Variants in PRKCE observed in about 807,000 individuals in gnomAD.
The protein encoded by PRKCE is protein kinase C epsilon, also known as protein kinase C epsilon type.
PRKCE carries 16 observed loss-of-function variants against 85.4 expected under a neutral mutation model. The observed-to-expected ratio is 0.19, with a 90% CI of 0.13 to 0.28. The LOEUF (loss-of-function observed/expected upper bound fraction) is 0.28. Ranked by LOEUF, PRKCE falls within the 10% of genes least tolerant of loss-of-function variation. PRKCE has a pLI of 1.00. For synonymous variants in PRKCE, 388 were observed against 371.5 expected, an observed-to-expected ratio of 1.04 and a Z score of -0.51; for missense variants, 573 against 975.2, an observed-to-expected ratio of 0.59 and a Z score of 5.49.
At chr2:45,658,971 T>C (rs936982814) in intron 1 of PRKCE, among the ~76,000 whole-genome samples, 1 of 152,238 alleles carries the variant, frequency 6.6e-6, no homozygotes, top group Non-Finnish European at 1.5e-5. Flanking sequence ...GTATGGGTAA[T>C]TGGAAATGAG....
Position 45,980,438 on chromosome 2 carries a change from C to T in PRKCE, c.693+57C>T, listed in dbSNP as rs1023984510. On this transcript the variant is annotated intron_variant, in intron 5 of 14. Coordinates refer to ENST00000306156, the MANE Select transcript of PRKCE (RefSeq NM_005400.3). ...TCTTCACCGCCAGCCCCTCCCTTCA[C>T]TGCCTCTTCTGTGGTTCCCAAGAAA... is the stretch of plus-strand genomic sequence containing the variant. 25 of 1,482,288 alleles carry T rather than the reference C, an allele frequency of 1.7e-5. 1 individual carries two copies. Among genetic ancestry groups the T allele is most frequent in the Non-Finnish European group, 2.2e-5 (24 of 1,073,924 alleles). The allele number at this position is 1,482,288 out of a possible 1,614,324, so 91.8% of individuals were successfully genotyped here.
chr2:45,913,397 A>G (rs1212083717), intron 2 of PRKCE, among the ~76,000 whole-genome samples: 1 of 152,144 alleles, frequency 6.6e-6, no homozygotes, highest in African/African-American at 2.4e-5. Context: ...CGATCCACCC[A>G]TCTTGGCCTC....
chr2:45,717,591 AAGAAG>A (rs1680245966), intron 1 of PRKCE, among the ~76,000 whole-genome samples: 1 of 152,240 alleles, frequency 6.6e-6, no homozygotes, highest in Non-Finnish European at 1.5e-5. Flanking sequence ...TCTTGACTGC[AAGAAG>A]AGGATCCTGA....
At chr2:46,114,548 G>A (rs1011474167) in intron 11 of PRKCE, among the ~76,000 whole-genome samples, 3 of 151,156 alleles carry the variant, frequency 2.0e-5, no homozygotes, top group Non-Finnish European at 4.4e-5. Flanking sequence ...CTCCTGAGTA[G>A]CTGGGACTAC....
At chr2:45,981,835 G>C (rs183138159) in intron 5 of PRKCE, among the ~76,000 whole-genome samples, 2 of 152,232 alleles carry the variant, frequency 1.3e-5, no homozygotes, top group East Asian at 3.9e-4. Flanking sequence ...AAGGATCTCA[G>C]TCTCATCACC....
At chr2:45,980,257 C>T in intron 4 of PRKCE, 39 bp from the exon 5 acceptor site, 1 of 1,577,650 alleles carries the variant, frequency 6.3e-7, no homozygotes, top group Non-Finnish European at 8.6e-7. Flanking sequence ...ACTCCCTTTC[C>T]TGAGTGTCAT....
intron 10 of PRKCE, among the ~76,000 whole-genome samples, chr2:46,018,201 C>T (rs1344311697): frequency 1.3e-5 from 2 of 152,174 alleles, no homozygotes; most frequent in East Asian, 3.8e-4. Flanking sequence ...AGGAACGATC[C>T]AAAATGGGCT....
chr2:45,761,708 C>T (rs72799987), intron 1 of PRKCE, among the ~76,000 whole-genome samples: 2,846 of 152,240 alleles, frequency 0.019, 41 homozygotes, highest in Non-Finnish European at 0.028. Context: ...TCTAAGCTTG[C>T]CCTGGCTTCC....
chr2:45,667,433 C>T (rs1298305739), intron 1 of PRKCE, among the ~76,000 whole-genome samples: 2 of 152,120 alleles, frequency 1.3e-5, no homozygotes, highest in Admixed American at 6.5e-5. Flanking sequence ...TAGGCGTGAG[C>T]CACCATGCCC....
At chr2:45,865,049 T>G (rs1693475335) in intron 2 of PRKCE, among the ~76,000 whole-genome samples, 1 of 152,186 alleles carries the variant, frequency 6.6e-6, no homozygotes, top group Non-Finnish European at 1.5e-5. Context: ...TGTTTTAGAG[T>G]AGGACATCTC....
chr2:45,944,233 T>C (rs969076250), intron 2 of PRKCE, among the ~76,000 whole-genome samples: 7 of 152,246 alleles, frequency 4.6e-5, no homozygotes, highest in East Asian at 1.9e-4. Context: ...TTCGGACTTT[T>C]TGATGCTCCT....
At chr2:46,107,392 C>T (rs1045829217) in intron 11 of PRKCE, among the ~76,000 whole-genome samples, 1 of 152,138 alleles carries the variant, frequency 6.6e-6, no homozygotes, top group African/African-American at 2.4e-5. Context: ...CCTGTAATCC[C>T]AGCACTTTGG....
intron 1 of PRKCE, among the ~76,000 whole-genome samples, chr2:45,820,836 T>C (rs1001304164): frequency 3.3e-5 from 5 of 152,106 alleles, no homozygotes; most frequent in African/African-American, 1.2e-4. Flanking sequence ...CTGGGTCATG[T>C]TGACCTTAGT....
At chr2:45,862,064 G>A (rs1323459191) in intron 2 of PRKCE, among the ~76,000 whole-genome samples, 6 of 151,980 alleles carry the variant, frequency 3.9e-5, no homozygotes, top group East Asian at 1.9e-4. Flanking sequence ...TGCTCCCCAC[G>A]TAGCCTTTTA....
At chr2:45,989,579 G>C (rs890199347) in intron 6 of PRKCE, among the ~76,000 whole-genome samples, 4 of 151,818 alleles carry the variant, frequency 2.6e-5, no homozygotes, top group Admixed American at 2.6e-4. Context: ...ATACCTTGGG[G>C]TGGCTGTGCA....
At chr2:45,987,010 A>G (rs1019307040) in intron 6 of PRKCE, among the ~76,000 whole-genome samples, 1 of 147,422 alleles carries the variant, frequency 6.8e-6, no homozygotes, top group East Asian at 2.0e-4. Flanking sequence ...TTTGGAGGGA[A>G]CCCTGATGAG....
rs140360092 is a variant in PRKCE at position 45,684,626 on chromosome 2, G to T, written c.348+32178G>T. Among the ~76,000 whole-genome samples the T allele has an allele frequency of 2.6e-5, 4 of 152,328 alleles. No homozygotes were observed. In the East Asian group the frequency reaches 5.8e-4, roughly 22 times the overall value. The stretch of plus-strand genomic sequence containing the variant: ...CCCCTAGTGGCATGTGACCTACAGG[G>T]CTAAGCTGAGTTGCTCTTTCTGGTT... On this transcript the variant is annotated intron_variant, in intron 1 of 14. Transcript: ENST00000306156.
chr2:45,761,281 C>T (rs1291588033), intron 1 of PRKCE, among the ~76,000 whole-genome samples: 1 of 128,188 alleles, frequency 7.8e-6, no homozygotes, highest in Non-Finnish European at 1.6e-5. Flanking sequence ...AAGCCGAGAT[C>T]ACACCACTGC....
In PRKCE at chr2:46,027,396, G is replaced by A. The variant is rs368989902; in HGVS notation, c.1437+16879G>A. ...TGATTACCAGGGAAGTCCAAATAGG[G>A]ACTGAATGAGGATGGGGAGAGAGGT... On this transcript the variant is annotated intron_variant, in intron 10 of 14. Transcript: ENST00000306156. Among the ~76,000 whole-genome samples, 7 of 152,234 alleles carry A rather than the reference G, an allele frequency of 4.6e-5. No homozygotes were observed. In the East Asian group the frequency reaches 1.2e-3, roughly 25 times the overall value.
Sources: allele counts gnomAD v4.1 joint callset (sites outside exome capture counted in the v4.1 genomes callset), GRCh38; gene constraint gnomAD v4.1.1; transcripts MANE v1.5; gene names NCBI Gene and HGNC (gene_info 2026-07-23, HGNC 2026-07-21).